DMXL2: variants seen among roughly 807,000 people sequenced by gnomAD.
DMXL2 encodes dmX-like protein 2.
A neutral mutation model predicts 331.1 loss-of-function variants in DMXL2; 103 were observed. That is an observed-to-expected ratio of 0.31 (90% CI 0.27 to 0.37). DMXL2 has a LOEUF of 0.37. DMXL2 is among the 10% of genes least tolerant of loss of function. The probability of loss-of-function intolerance (pLI) is 1.00; values close to 1 mark genes in which losing one functional copy is unlikely to be tolerated. For synonymous variants in DMXL2, 1,281 were observed against 1,252.1 expected (o/e 1.02, Z -0.49); for missense variants, 3,171 against 3,642.9 (o/e 0.87, Z 3.33).
chr15:51,514,263 A>G (rs1055606743), intron 15 of DMXL2, among the ~76,000 whole-genome samples, 179 bp downstream of exon 15: 3 of 152,156 alleles, frequency 2.0e-5, no homozygotes, highest in Non-Finnish European at 2.9e-5. Context: ...TTGTCTTGCA[A>G]AAAGTAATTT....
intron 6 of DMXL2, among the ~76,000 whole-genome samples, chr15:51,560,547 G>A (rs549125280): frequency 4.1e-5 from 6 of 146,824 alleles, no homozygotes; most frequent in Non-Finnish European, 7.5e-5. Context: ...CAGATGTGAT[G>A]GTACACACCT....
At chr15:51,601,124 T>C (rs1730278214) in intron 1 of DMXL2, among the ~76,000 whole-genome samples, 2 of 151,950 alleles carry the variant, frequency 1.3e-5, no homozygotes, top group Non-Finnish European at 2.9e-5. Flanking sequence ...ACCCCATCTC[T>C]ACTAAAAATA....
chr15:51,558,898 AT>A (rs1377558138), intron 6 of DMXL2, among the ~76,000 whole-genome samples: 1 of 152,208 alleles, frequency 6.6e-6, no homozygotes, highest in Non-Finnish European at 1.5e-5. Context: ...TCACAAACGT[AT>A]TTTTTAATAT....
At chr15:51,597,951 G>T (rs2052945493) in intron 1 of DMXL2, among the ~76,000 whole-genome samples, 1 of 152,096 alleles carries the variant, frequency 6.6e-6, no homozygotes. Flanking sequence ...TGACGCACCT[G>T]TTCAAATATT....
intron 17 of DMXL2, among the ~76,000 whole-genome samples, chr15:51,500,807 T>C (rs1407369228): frequency 1.3e-5 from 2 of 152,190 alleles, no homozygotes; most frequent in African/African-American, 2.4e-5. Flanking sequence ...CCCTCTTATC[T>C]ATTCCTGACT....
chr15:51,473,529 T>A (rs1348601349), intron 28 of DMXL2, among the ~76,000 whole-genome samples: 1 of 152,222 alleles, frequency 6.6e-6, no homozygotes, highest in African/African-American at 2.4e-5. Flanking sequence ...ATCATCTCCC[T>A]TACAATGACT....
rs757441001 is a variant in DMXL2 at position 51,536,789 on chromosome 15, A to G, written c.1691T>C (p.Met564Thr). 1 of 1,614,020 alleles carries G rather than the reference A, an allele frequency of 6.2e-7. No individual in the cohort carries two copies. The highest frequency in any genetic ancestry group is 8.5e-7 in the Non-Finnish European group (1 of 1,179,956). ...TTTTGTCGCATTTATACAGGCATACATCATGATATTTTTACTAAGAGAGCT... is the reference window on the plus strand; with the variant it reads ...TTTTGTCGCATTTATACAGGCATACGTCATGATATTTTTACTAAGAGAGCT... Reference protein sequence around the residue: ...DASSLSKNIMMYACINATKDS... With the variant: ...DASSLSKNIMTYACINATKDS... Residue 564 changes from methionine (M) to threonine (T), a missense_variant, in exon 12 of 44, where the codon ATG becomes ACG. Physicochemically the swap from Met to Thr is moderately conservative, Grantham distance 81. Transcript: ENST00000560891.
At chr15:51,551,630 C>T (rs1043081220) in intron 6 of DMXL2, among the ~76,000 whole-genome samples, 5 of 148,706 alleles carry the variant, frequency 3.4e-5, no homozygotes, top group African/African-American at 1.0e-4. Context: ...CAGTCCTCAA[C>T]GTACTAATAG....
intron 40 of DMXL2, 51 bp downstream of exon 40, chr15:51,455,100 A>C: frequency 1.4e-6 from 2 of 1,395,258 alleles, no homozygotes; most frequent in Non-Finnish European, 2.0e-6. Context: ...CAGACACTTC[A>C]TGAACAAAGT....
At chr15:51,475,442 C>T (rs1314009757) in intron 27 of DMXL2, among the ~76,000 whole-genome samples, 1 of 151,796 alleles carries the variant, frequency 6.6e-6, no homozygotes, top group Non-Finnish European at 1.5e-5. Context: ...TGCAGTGAGC[C>T]GAGATTGCGC....
At chr15:51,491,523 T>C in intron 20 of DMXL2, 55 bp downstream of exon 20, 3 of 1,518,946 alleles carry the variant, frequency 2.0e-6, no homozygotes, top group Middle Eastern at 1.7e-4. Flanking sequence ...GTATCTTTTT[T>C]TCGTTAGGAA....
chr15:51,581,551 CTCAT>C (rs753703117), intron 1 of DMXL2, among the ~76,000 whole-genome samples: 3 of 152,056 alleles, frequency 2.0e-5, no homozygotes, highest in South Asian at 2.1e-4. Flanking sequence ...GCATAACACA[CTCAT>C]TCAGTCTTCT....
chr15:51,588,077 T>C (rs985481853), intron 1 of DMXL2, among the ~76,000 whole-genome samples: 2 of 152,186 alleles, frequency 1.3e-5, no homozygotes, highest in Non-Finnish European at 2.9e-5. Context: ...TAGTGCTTTG[T>C]CAGCTGAGTA....
At chr15:51,457,135 G>C (rs929537931) in intron 37 of DMXL2, among the ~76,000 whole-genome samples, 193 bp downstream of exon 37, 8 of 152,210 alleles carry the variant, frequency 5.3e-5, no homozygotes, top group African/African-American at 1.9e-4. Context: ...TTGCACCACT[G>C]CACTCCAGCC....
At chr15:51,587,695 G>A (rs755825529) in intron 1 of DMXL2, among the ~76,000 whole-genome samples, 18 of 152,146 alleles carry the variant, frequency 1.2e-4, no homozygotes, top group Non-Finnish European at 1.9e-4. Context: ...GTAATGGGAT[G>A]GCTGGGTCAG....
intron 29 of DMXL2, 58 bp downstream of exon 29, chr15:51,471,165 G>A: frequency 2.0e-6 from 3 of 1,504,696 alleles, no homozygotes; most frequent in Non-Finnish European, 2.7e-6. Flanking sequence ...ACACATGCAA[G>A]AGTTAATAAA....
At chr15:51,467,642 A>G (rs140501516) in intron 29 of DMXL2, among the ~76,000 whole-genome samples, 12 of 152,344 alleles carry the variant, frequency 7.9e-5, no homozygotes, top group African/African-American at 2.9e-4. Context: ...ACTATTCTCA[A>G]GAGAGTACAA....
intron 1 of DMXL2, among the ~76,000 whole-genome samples, chr15:51,613,039 A>C (rs1595759408): frequency 6.6e-6 from 1 of 152,230 alleles, no homozygotes. Flanking sequence ...GCCCACAGGC[A>C]GCCAGACTTT....
rs1366160063 is a variant in DMXL2 at position 51,474,369 on chromosome 15, A to T, written c.7188T>A (p.Pro2396=). 1 of 1,610,046 alleles carries T rather than the reference A, an allele frequency of 6.2e-7. No individual in the cohort carries two copies. The highest frequency in any genetic ancestry group is 2.2e-5 in the East Asian group (1 of 44,792). ...FGGGVKLVVK[P]RRQSENISAP... is the part of the protein sequence containing the mutation. ...CTGAAATATTTTCTGATTGTCTTCGAGGTTTCACAACAAGTTTTACACCGC... is the reference window on the plus strand; with the variant it reads ...CTGAAATATTTTCTGATTGTCTTCGTGGTTTCACAACAAGTTTTACACCGC... Residue 2396 remains proline, a synonymous_variant, in exon 28 of 44, where the codon CCT becomes CCA. Coordinates refer to ENST00000560891, the MANE Select transcript of DMXL2 (RefSeq NM_001378457.1).
Sources: gnomAD v4.1 joint callset for allele counts (sites outside exome capture counted in the v4.1 genomes callset) on GRCh38, gnomAD v4.1.1 for gene constraint, MANE v1.5 for transcripts, NCBI Gene and HGNC (gene_info 2026-07-23, HGNC 2026-07-21) for gene names.